Variants in OR5K1 observed in about 807,000 individuals in gnomAD.
OR5K1 encodes the protein olfactory receptor family 5 subfamily K member 1, also known as olfactory receptor 5K1.
OR5K1 carries 7 observed loss-of-function variants against 10.4 expected under a neutral mutation model. That is an observed-to-expected ratio of 0.67 (90% CI 0.38 to 1.26). The LOEUF is 1.26. OR5K1 is among the 50% of genes most tolerant of loss of function. The probability of loss-of-function intolerance (pLI) is 0.02; values close to 1 mark genes in which losing one functional copy is unlikely to be tolerated. For synonymous variants in OR5K1, 135 were observed against 128.5 expected (o/e 1.05, Z -0.34); for missense variants, 435 against 366.2 (o/e 1.19, Z -1.53).
intron 1 of OR5K1, among the ~76,000 whole-genome samples, chr3:98,469,200 C>A (rs1437659862): frequency 1.3e-5 from 2 of 152,128 alleles, no homozygotes; most frequent in Admixed American, 6.6e-5. Flanking sequence ...CCAGGTATTG[C>A]ATGTTCTCAC....
At chr3:98,469,245 A>G (rs1398545746) in intron 1 of OR5K1, among the ~76,000 whole-genome samples, 1 of 152,102 alleles carries the variant, frequency 6.6e-6, no homozygotes, top group Non-Finnish European at 1.5e-5. Context: ...GTACACATGT[A>G]CAGAAAGAAT....
chr3:98,464,436 T>C (rs999205987), intron 1 of OR5K1, among the ~76,000 whole-genome samples: 1 of 152,100 alleles, frequency 6.6e-6, no homozygotes. Context: ...CAGAAAACTG[T>C]CTATCTAGAA....
Position 98,469,601 on chromosome 3 carries a change from A to G in OR5K1, c.25A>G (p.Lys9Glu). The G allele has an allele frequency of 6.2e-7, 1 of 1,609,532 alleles. No homozygotes were observed. Among genetic ancestry groups the G allele is most frequent in the Admixed American group, 1.7e-5 (1 of 59,392 alleles). MAEENHTM[K>E]NEFILTGFTD... ...AATGGCTGAAGAAAATCATACCATG[A>G]AAAATGAGTTTATCCTCACAGGATT... Residue 9 changes from lysine (K) to glutamate (E), a missense_variant, in exon 2 of 2, where the codon AAA (lysine) becomes GAA (glutamate). Coordinates refer to ENST00000642057, the MANE Select transcript of OR5K1 (RefSeq NM_001004736.4).
At position 98,471,665 on chromosome 3, in the gene OR5K1, A is replaced by G. The variant is rs1451584461; in HGVS notation, c.*1162A>G. The G allele has an allele frequency of 6.6e-6, 1 of 152,014 alleles. No individual in the cohort carries two copies. The highest frequency in any genetic ancestry group is 1.5e-5 in the Non-Finnish European group (1 of 67,944). 9.4% of individuals were successfully genotyped at this position (152,014 alleles called of 1,614,324 possible). On this transcript the variant is annotated 3_prime_UTR_variant, in exon 2 of 2. Coordinates refer to ENST00000642057, the MANE Select transcript of OR5K1 (RefSeq NM_001004736.4). ...CTGGATTAAGAAGGACCTATGTCAC[A>G]TAATAGAAAAACATCTCCCTTCCAC...
rs1368077234 is a variant in OR5K1 at position 98,469,448 on chromosome 3, G to T, written c.-11-118G>T. 8.3e-6 allele frequency: 8 copies of T among 959,786 alleles called. No individual in the cohort carries two copies. In the East Asian group the frequency reaches 1.0e-4, roughly 12 times the overall value. 59.5% of individuals were successfully genotyped at this position (959,786 alleles called of 1,614,324 possible). ...CCCCATGAATGGGGCATGCACCAAA[G>T]TCCAGGCAACATGAGGAAACATTGT... is the stretch of plus-strand genomic sequence containing the variant. On this transcript the variant is annotated intron_variant, in intron 1 of 1. Coordinates refer to ENST00000642057, the MANE Select transcript of OR5K1 (RefSeq NM_001004736.4).
intron 1 of OR5K1, among the ~76,000 whole-genome samples, chr3:98,468,575 C>T: frequency 6.6e-6 from 1 of 152,022 alleles, no homozygotes; most frequent in East Asian, 1.9e-4. Context: ...ATAACAGAAT[C>T]TTTGTCCTTT....
At chr3:98,463,649 T>TGAATTATA (rs1705337682) in intron 1 of OR5K1, among the ~76,000 whole-genome samples, 1 of 152,208 alleles carries the variant, frequency 6.6e-6, no homozygotes, top group South Asian at 2.1e-4. Flanking sequence ...TATTAACCTC[T>TGAATTATA]ACAATGAAAT....
At chr3:98,469,499 C>A in intron 1 of OR5K1, 67 bp from the exon 2 acceptor site, 1 of 1,451,884 alleles carries the variant, frequency 6.9e-7, no homozygotes, top group Non-Finnish European at 9.4e-7. Context: ...TCCTTTAAGC[C>A]AAAGAGACCT....
rs1312838646 is a variant in OR5K1 at position 98,472,511 on chromosome 3, A to G, written c.*2008A>G. 1 of 151,398 alleles carries G rather than the reference A, an allele frequency of 6.6e-6. No homozygotes were observed. The highest frequency in any genetic ancestry group is 1.5e-5 in the Non-Finnish European group (1 of 67,834). 9.4% of individuals were successfully genotyped at this position (151,398 alleles called of 1,614,324 possible). A position where few individuals can be genotyped will look rare whatever the true frequency, so the allele number is the denominator to read the frequency against. On this transcript the variant is annotated 3_prime_UTR_variant, in exon 2 of 2. Coordinates refer to ENST00000642057, the MANE Select transcript of OR5K1 (RefSeq NM_001004736.4). ...ACAGAACCTTTTCCAGGCAACACGAACTCTTCCCTTCTTGATGTTGCTTTT... is the reference window on the plus strand; with the variant it reads ...ACAGAACCTTTTCCAGGCAACACGAGCTCTTCCCTTCTTGATGTTGCTTTT...
At chr3:98,464,183 G>A (rs1163292240) in intron 1 of OR5K1, among the ~76,000 whole-genome samples, 1 of 152,128 alleles carries the variant, frequency 6.6e-6, no homozygotes, top group African/African-American at 2.4e-5. Context: ...TTGAACCTGG[G>A]AGGTGGAGGT....
At chr3:98,469,203 G>C (rs1705411351) in intron 1 of OR5K1, among the ~76,000 whole-genome samples, 1 of 152,046 alleles carries the variant, frequency 6.6e-6, no homozygotes, top group Non-Finnish European at 1.5e-5. Context: ...GGTATTGCAT[G>C]TTCTCACTTA....
At chr3:98,468,239 G>C (rs1246624019) in intron 1 of OR5K1, among the ~76,000 whole-genome samples, 5 of 151,950 alleles carry the variant, frequency 3.3e-5, no homozygotes, top group Non-Finnish European at 7.4e-5. Flanking sequence ...AGCATGTTAT[G>C]TTTAAGTGTA....
At chr3:98,465,537 T>C (rs1198652393) in intron 1 of OR5K1, among the ~76,000 whole-genome samples, 1 of 152,136 alleles carries the variant, frequency 6.6e-6, no homozygotes, top group Non-Finnish European at 1.5e-5. Context: ...GTTTCTTTAA[T>C]TTATTACAAA....
chr3:98,465,730 T>C (rs2107088044), intron 1 of OR5K1, among the ~76,000 whole-genome samples: 1 of 152,098 alleles, frequency 6.6e-6, no homozygotes, highest in Non-Finnish European at 1.5e-5. Context: ...TCCTTCATAT[T>C]TTTCTGTTCT....
At position 98,470,859 on chromosome 3, in the gene OR5K1, T is replaced by C. The variant is rs185953707; in HGVS notation, c.*356T>C. 55 of 163,520 alleles carry C rather than the reference T, an allele frequency of 3.4e-4. No homozygotes were observed. Among genetic ancestry groups the C allele is most frequent in the African/African-American group, 1.2e-3 (51 of 41,704 alleles). The allele number at this position is 163,520 out of a possible 1,614,324, so 10.1% of individuals were successfully genotyped here. ...GTTCAAAGGACCATTCCATTAAGCA[T>C]TGATAACCAGATAAGTTATTTTAAT... is the stretch of plus-strand genomic sequence containing the variant. On this transcript the variant is annotated 3_prime_UTR_variant, in exon 2 of 2. Coordinates refer to ENST00000642057, the MANE Select transcript of OR5K1 (RefSeq NM_001004736.4).
chr3:98,471,730 T>C lies in OR5K1; in HGVS notation c.*1227T>C. The C allele has an allele frequency of 6.6e-6, 1 of 151,916 alleles. No homozygotes were observed. Among genetic ancestry groups the C allele is most frequent in the East Asian group, 1.9e-4 (1 of 5,162 alleles). The allele number at this position is 151,916 out of a possible 1,614,324, so 9.4% of individuals were successfully genotyped here. A position where few individuals can be genotyped will look rare whatever the true frequency, so the allele number is the denominator to read the frequency against. On this transcript the variant is annotated 3_prime_UTR_variant, in exon 2 of 2. Transcript: ENST00000642057. ...ACCTGTCTAAATTCCCAGAAAGCAA[T>C]TGTCAAGTGCTCCAGGTTAGCCAGC...
rs577511695 is a variant in OR5K1 at position 98,471,678 on chromosome 3, A to C, written c.*1175A>C. Reference sequence around the variant, plus strand: ...GACCTATGTCACATAATAGAAAAACATCTCCCTTCCACCTCTTGCTCTGAG... The same window carrying C: ...GACCTATGTCACATAATAGAAAAACCTCTCCCTTCCACCTCTTGCTCTGAG... On this transcript the variant is annotated 3_prime_UTR_variant, in exon 2 of 2. Coordinates refer to ENST00000642057, the MANE Select transcript of OR5K1 (RefSeq NM_001004736.4). The C allele has an allele frequency of 6.6e-6, 1 of 152,000 alleles. No individual in the cohort carries two copies. The highest frequency in any genetic ancestry group is 2.1e-4 in the South Asian group (1 of 4,830). The allele number at this position is 152,000 out of a possible 1,614,324, so 9.4% of individuals were successfully genotyped here.
At chr3:98,465,792 C>T (rs1173735927) in intron 1 of OR5K1, among the ~76,000 whole-genome samples, 3 of 152,012 alleles carry the variant, frequency 2.0e-5, no homozygotes, top group African/African-American at 7.2e-5. Flanking sequence ...TCCTAAAACA[C>T]AACTAGAGAA....
At chr3:98,465,471 A>G (rs1474926204) in intron 1 of OR5K1, among the ~76,000 whole-genome samples, 1 of 152,116 alleles carries the variant, frequency 6.6e-6, no homozygotes, top group Non-Finnish European at 1.5e-5. Context: ...GAAGAGTCTA[A>G]TTATTTCTTT....
Sources: gnomAD v4.1 joint callset for allele counts (sites outside exome capture counted in the v4.1 genomes callset) on GRCh38, gnomAD v4.1.1 for gene constraint, MANE v1.5 for transcripts, NCBI Gene and HGNC (gene_info 2026-07-23, HGNC 2026-07-21) for gene names.